Variants in CCBE1 observed in about 807,000 individuals in gnomAD.
CCBE1 encodes collagen and calcium-binding EGF domain-containing protein 1.
Under a neutral mutation model 50.0 loss-of-function variants are expected in CCBE1, and 37 were observed. That is an observed-to-expected ratio of 0.74 (90% CI 0.57 to 0.97). CCBE1 has a LOEUF of 0.97. Among genes scored for constraint, CCBE1 ranks in the 50% least tolerant of loss-of-function variants. CCBE1 has a pLI of 0.00. For synonymous variants in CCBE1, 234 were observed against 203.7 expected, an observed-to-expected ratio of 1.15 and a Z score of -1.27; for missense variants, 538 against 523.8, an observed-to-expected ratio of 1.03 and a Z score of -0.26.
intron 2 of CCBE1, among the ~76,000 whole-genome samples, chr18:59,609,043 G>A (rs1023858396): frequency 5.3e-5 from 8 of 152,214 alleles, no homozygotes; most frequent in African/African-American, 1.9e-4. Flanking sequence ...CTTGTCATAT[G>A]TGCATCTGTT....
At chr18:59,473,651 C>T (rs1244804233) in intron 3 of CCBE1, among the ~76,000 whole-genome samples, 3 of 150,666 alleles carry the variant, frequency 2.0e-5, no homozygotes, top group African/African-American at 7.3e-5. Flanking sequence ...CACCTTCCAA[C>T]CCTCCCACTA....
chr18:59,543,445 A>G (rs1487989998), intron 2 of CCBE1, among the ~76,000 whole-genome samples: 1 of 152,258 alleles, frequency 6.6e-6, no homozygotes, highest in Non-Finnish European at 1.5e-5. Flanking sequence ...GATTATGTAC[A>G]TATGATTTTC....
At chr18:59,521,136 G>A (rs73963227) in intron 2 of CCBE1, among the ~76,000 whole-genome samples, 54 of 152,258 alleles carry the variant, frequency 3.5e-4, no homozygotes, top group African/African-American at 1.3e-3. Flanking sequence ...TTATATATTT[G>A]CATTCAAATA....
chr18:59,497,141 T>C (rs1354009334), intron 2 of CCBE1, among the ~76,000 whole-genome samples: 1 of 148,218 alleles, frequency 6.7e-6, no homozygotes, highest in Non-Finnish European at 1.5e-5. Context: ...ATAGTAGCTA[T>C]TATTATCATC....
At chr18:59,488,054 G>A (rs1219426579) in intron 2 of CCBE1, among the ~76,000 whole-genome samples, 1 of 152,210 alleles carries the variant, frequency 6.6e-6, no homozygotes, top group East Asian at 1.9e-4. Context: ...GATGAACCTT[G>A]AAGACATTAT....
At chr18:59,455,338 C>T (rs950745290) in intron 5 of CCBE1, 12 of 347,550 alleles carry the variant, frequency 3.5e-5, no homozygotes, top group Non-Finnish European at 6.8e-5. Flanking sequence ...TGTAAATATT[C>T]CCCAAGTGCA....
chr18:59,622,925 T>G (rs755689474), intron 2 of CCBE1, among the ~76,000 whole-genome samples: 5 of 151,776 alleles, frequency 3.3e-5, no homozygotes, highest in Non-Finnish European at 7.4e-5. Flanking sequence ...CTCTGGATGA[T>G]ACTATGATGG....
chr18:59,685,596 T>G (rs2054644051), intron 2 of CCBE1, among the ~76,000 whole-genome samples: 1 of 152,158 alleles, frequency 6.6e-6, no homozygotes, highest in African/African-American at 2.4e-5. Flanking sequence ...ATGAGGAGCT[T>G]TAGAAATTCC....
chr18:59,603,121 G>GA (rs919639135), intron 2 of CCBE1, among the ~76,000 whole-genome samples: 61 of 152,238 alleles, frequency 4.0e-4, no homozygotes, highest in African/African-American at 1.4e-3. Context: ...AACTGTCCCT[G>GA]AAAAAAATCC....
intron 2 of CCBE1, among the ~76,000 whole-genome samples, chr18:59,549,344 A>AT (rs1915830048): frequency 6.6e-6 from 1 of 152,198 alleles, no homozygotes; most frequent in Non-Finnish European, 1.5e-5. Context: ...TTATTATGCC[A>AT]TCTCCTAAAG....
intron 6 of CCBE1, among the ~76,000 whole-genome samples, chr18:59,453,306 G>C (rs980986343): frequency 2.6e-5 from 4 of 152,098 alleles, no homozygotes; most frequent in Non-Finnish European, 5.9e-5. Flanking sequence ...CTTCTTCCTC[G>C]AACCCTTCTC....
chr18:59,691,400 TTTTG>T (rs202162119), intron 2 of CCBE1, among the ~76,000 whole-genome samples: 324 of 6,584 alleles, frequency 0.049, 2 homozygotes, highest in East Asian at 0.19. Context: ...TCACAAGATT[TTTTG>T]TTTGTTTGTT....
chr18:59,639,861 A>T (rs2053962477), intron 2 of CCBE1, among the ~76,000 whole-genome samples: 1 of 152,208 alleles, frequency 6.6e-6, no homozygotes, highest in South Asian at 2.1e-4. Flanking sequence ...TCCAAAGCCA[A>T]GGGGCCAAAT....
At chr18:59,644,713 A>T (rs2054032513) in intron 2 of CCBE1, among the ~76,000 whole-genome samples, 1 of 151,706 alleles carries the variant, frequency 6.6e-6, no homozygotes, top group Non-Finnish European at 1.5e-5. Flanking sequence ...AATACCTCCT[A>T]TTTCTCCCCC....
chr18:59,633,875 G>T (rs536345176), intron 2 of CCBE1, among the ~76,000 whole-genome samples: 2 of 152,134 alleles, frequency 1.3e-5, no homozygotes, highest in Non-Finnish European at 2.9e-5. Flanking sequence ...AAACAAAGGT[G>T]ATATCTTGAC....
intron 2 of CCBE1, among the ~76,000 whole-genome samples, chr18:59,648,850 G>A (rs983377602): frequency 6.6e-6 from 1 of 152,188 alleles, no homozygotes; most frequent in African/African-American, 2.4e-5. Context: ...TTTGTCCAGC[G>A]TCCCTTCCTC....
At chr18:59,585,029 C>G (rs1374742861) in intron 2 of CCBE1, among the ~76,000 whole-genome samples, 1 of 152,132 alleles carries the variant, frequency 6.6e-6, no homozygotes, top group Non-Finnish European at 1.5e-5. Flanking sequence ...TGCCCTTCAC[C>G]TGGCTTGCAA....
chr18:59,514,624 T>C (rs558404099), intron 2 of CCBE1, among the ~76,000 whole-genome samples: 1,548 of 148,834 alleles, frequency 0.01, 25 homozygotes, highest in Non-Finnish European at 0.013. Context: ...TCCTGTTTTT[T>C]TTTTTTTCTT....
chr18:59,542,955 T>G (rs1445568072), intron 2 of CCBE1, among the ~76,000 whole-genome samples: 1 of 152,210 alleles, frequency 6.6e-6, no homozygotes, highest in African/African-American at 2.4e-5. Context: ...CTCCAAGATC[T>G]CGCCAAACCC....
Sources: allele counts gnomAD v4.1 joint callset (sites outside exome capture counted in the v4.1 genomes callset), GRCh38; gene constraint gnomAD v4.1.1; transcripts MANE v1.5; gene names NCBI Gene and HGNC (gene_info 2026-07-23, HGNC 2026-07-21).